USP48: variants seen among roughly 807,000 people sequenced by gnomAD.
USP48 encodes the protein ubiquitin carboxyl-terminal hydrolase 48.
USP48 carries 43 observed loss-of-function variants against 150.7 expected under a neutral mutation model. That is an observed-to-expected ratio of 0.29 (90% CI 0.22 to 0.37). The LOEUF is 0.37. Among genes scored for constraint, USP48 ranks in the 10% least tolerant of loss-of-function variants. USP48 has a pLI of 1.00. For synonymous variants in USP48, 396 were observed against 425.9 expected (o/e 0.93, Z 0.86); for missense variants, 813 against 1,249.6 (o/e 0.65, Z 5.27).
intron 1 of USP48, among the ~76,000 whole-genome samples, chr1:21,760,880 G>A (rs903016474): frequency 2.0e-5 from 3 of 151,732 alleles, no homozygotes; most frequent in Non-Finnish European, 2.9e-5. Context: ...GATCACCTGA[G>A]GTCGGGATTT....
chr1:21,763,471 G>C (rs1056257799), intron 1 of USP48, among the ~76,000 whole-genome samples: 1 of 152,144 alleles, frequency 6.6e-6, no homozygotes, highest in Non-Finnish European at 1.5e-5. Context: ...ATGGGGGGGC[G>C]GGGTTGTGTT....
At chr1:21,709,926 A>C (rs2097685941) in intron 15 of USP48, among the ~76,000 whole-genome samples, 1 of 152,150 alleles carries the variant, frequency 6.6e-6, no homozygotes, top group Non-Finnish European at 1.5e-5. Context: ...ATTTCCTATT[A>C]TTCTAATAAT....
intron 3 of USP48, 79 bp from the exon 4 acceptor site, chr1:21,753,198 T>C: frequency 7.1e-7 from 1 of 1,409,962 alleles, no homozygotes; most frequent in Non-Finnish European, 9.6e-7. Flanking sequence ...CCTCTTCACA[T>C]GAGAACATAA....
At chr1:21,736,725 A>G in intron 8 of USP48, 100 bp from the exon 9 acceptor site, 1 of 1,062,750 alleles carries the variant, frequency 9.4e-7, no homozygotes, top group Non-Finnish European at 1.3e-6. Flanking sequence ...CACATGTGGT[A>G]TAACTAAAAA....
In USP48 at chr1:21,757,762, C is replaced by T. The variant is rs756647901; in HGVS notation, c.156G>A (p.Pro52=). 41 of 1,605,046 alleles carry T rather than the reference C, an allele frequency of 2.6e-5. No homozygotes were observed. The South Asian group carries it at 2.8e-4, about 11-fold the overall frequency. Residue 52 remains proline (P), a synonymous_variant, in exon 2 of 27, where the codon CCG becomes CCA. Transcript: ENST00000308271. ...GVCRRNCKGN[P]NCLVGIGEHI... ...GCTCACCAATACCAACCAAGCAATT[C>T]GGATTTCCTTTGCAGTTTCGTCTAA...
At chr1:21,680,363 C>T (rs2097562581) in intron 26 of USP48, among the ~76,000 whole-genome samples, 1 of 152,172 alleles carries the variant, frequency 6.6e-6, no homozygotes, top group Non-Finnish European at 1.5e-5. Flanking sequence ...CCAACAAATG[C>T]CTTAATGCTA....
chr1:21,762,389 T>A (rs17424740), intron 1 of USP48, among the ~76,000 whole-genome samples: 1,917 of 152,264 alleles, frequency 0.013, 16 homozygotes, highest in African/African-American at 0.022. Flanking sequence ...TTACAGCTAG[T>A]GGCAATGGAC....
intron 15 of USP48, among the ~76,000 whole-genome samples, chr1:21,714,960 T>A (rs569512211): frequency 2.0e-5 from 3 of 152,328 alleles, no homozygotes; most frequent in Admixed American, 2.0e-4. Context: ...CGCATGCCTA[T>A]GGTCCCAGCT....
chr1:21,756,560 A>T lies in USP48; in HGVS notation c.398T>A (p.Ile133Asn), dbSNP rs370291137. Residue 133 changes from isoleucine to asparagine, a missense_variant, in exon 3 of 27, where the codon ATC becomes AAC. Transcript: ENST00000308271. ...TCSDYMLGDG[I>N]QEEKDYEPQT... ...TTTCCACCCACCTTTTTCTTCTTGG[A>T]TGCCGTCTCCCAGCATGTAGTCACT... 2.5e-6 allele frequency: 4 copies of T among 1,578,136 alleles called. No homozygotes were observed. Among genetic ancestry groups the T allele is most frequent in the African/African-American group, 1.4e-5 (1 of 71,202 alleles).
intron 3 of USP48, among the ~76,000 whole-genome samples, 192 bp downstream of exon 3, chr1:21,756,354 G>A (rs1029722398): frequency 8.6e-5 from 13 of 151,134 alleles, no homozygotes; most frequent in Admixed American, 6.0e-4. Flanking sequence ...GGTGGCGGGC[G>A]CCTGTAATCC....
At chr1:21,744,777 T>TCAA (rs34236432) in intron 8 of USP48, among the ~76,000 whole-genome samples, 1 of 59,546 alleles carries the variant, frequency 1.7e-5, no homozygotes, top group African/African-American at 7.0e-5. Context: ...ACTCTATCTC[T>TCAA]AAAAAAAAAA....
intron 24 of USP48, among the ~76,000 whole-genome samples, chr1:21,688,946 G>C (rs764624161): frequency 6.7e-6 from 1 of 149,604 alleles, no homozygotes; most frequent in Non-Finnish European, 1.5e-5. Flanking sequence ...CGTGTATTTT[G>C]ACTGTTGTGA....
chr1:21,708,753 T>C (rs2097680875), intron 15 of USP48, among the ~76,000 whole-genome samples: 1 of 148,510 alleles, frequency 6.7e-6, no homozygotes, highest in Non-Finnish European at 1.5e-5. Context: ...GGAGTGGTGG[T>C]GTGCACCTGT....
At chr1:21,697,386 A>G (rs2930010) in intron 22 of USP48, among the ~76,000 whole-genome samples, 33,090 of 151,782 alleles carry the variant, frequency 0.22, 4,510 homozygotes, top group Non-Finnish European at 0.31. Context: ...AGGTCAGGCC[A>G]GGCGTGGTGG....
intron 1 of USP48, among the ~76,000 whole-genome samples, chr1:21,778,411 C>T (rs998372582): frequency 6.6e-6 from 1 of 151,930 alleles, no homozygotes; most frequent in Non-Finnish European, 1.5e-5. Flanking sequence ...TTGGAATCCT[C>T]ATATACTGCT....
intron 1 of USP48, among the ~76,000 whole-genome samples, chr1:21,777,659 C>T (rs2097903086): frequency 6.6e-6 from 1 of 151,922 alleles, no homozygotes; most frequent in African/African-American, 2.4e-5. Flanking sequence ...AAAGCAAGAA[C>T]CCTGCTTCAC....
chr1:21,679,811 A>G (rs900390503), intron 26 of USP48, among the ~76,000 whole-genome samples: 1 of 152,198 alleles, frequency 6.6e-6, no homozygotes, highest in Admixed American at 6.5e-5. Context: ...CTCCTGCCTC[A>G]GCCTCCCAAG....
chr1:21,762,269 C>CAA (rs762580178), intron 1 of USP48, among the ~76,000 whole-genome samples: 11 of 137,634 alleles, frequency 8.0e-5, no homozygotes, highest in African/African-American at 2.4e-4. Flanking sequence ...AGACTCGTCT[C>CAA]AAAAAAAAAA....
chr1:21,752,656 A>C lies in USP48; in HGVS notation c.541-5T>G. ...CTTTGAAAATTCTTGAGCATCCTACAAGTTTAGGTTAATGAAAAGAAAAAT... is the reference window on the plus strand; with the variant it reads ...CTTTGAAAATTCTTGAGCATCCTACCAGTTTAGGTTAATGAAAAGAAAAAT... On this transcript the variant is annotated splice_polypyrimidine_tract_variant and splice_region_variant and intron_variant, in intron 4 of 26. Transcript: ENST00000308271. 1 of 1,587,210 alleles carries C rather than the reference A, an allele frequency of 6.3e-7. No homozygotes were observed. Among genetic ancestry groups the C allele is most frequent in the East Asian group, 2.2e-5 (1 of 44,680 alleles).
Sources: allele counts gnomAD v4.1 joint callset (sites outside exome capture counted in the v4.1 genomes callset), GRCh38; gene constraint gnomAD v4.1.1; transcripts MANE v1.5; gene names NCBI Gene and HGNC (gene_info 2026-07-23, HGNC 2026-07-21).